Variants in GAD1 observed in about 807,000 individuals in gnomAD.
The protein encoded by GAD1 is 67 kDa glutamic acid decarboxylase.
Under a neutral mutation model 75.2 loss-of-function variants are expected in GAD1, and 35 were observed. The observed-to-expected ratio is 0.47, with a 90% CI of 0.36 to 0.62. GAD1 has a LOEUF of 0.62. Among genes scored for constraint, GAD1 ranks in the 20% least tolerant of loss-of-function variants. The probability of loss-of-function intolerance (pLI) is 0.00; values close to 1 mark genes in which losing one functional copy is unlikely to be tolerated. For synonymous variants in GAD1, 257 were observed against 271.9 expected, an observed-to-expected ratio of 0.95 and a Z score of 0.54; for missense variants, 490 against 758.5, an observed-to-expected ratio of 0.65 and a Z score of 4.16.
At chr2:170,815,171 A>G (rs1436914678), upstream of GAD1, among the ~76,000 whole-genome samples, 2 of 152,144 alleles carry the variant, frequency 1.3e-5, no homozygotes, top group African/African-American at 2.4e-5. Flanking sequence ...GCCCACTTCA[A>G]GCAGCGCAGA....
intron 10 of GAD1, 46 bp downstream of exon 10, chr2:170,846,109 C>T (rs1702627521): frequency 3.4e-6 from 5 of 1,455,720 alleles, no homozygotes; most frequent in Middle Eastern, 3.5e-4. Flanking sequence ...AAAATACCTT[C>T]TTTCTGTCCT....
chr2:170,841,389 G>A (rs1702512061), intron 6 of GAD1, among the ~76,000 whole-genome samples: 1 of 152,028 alleles, frequency 6.6e-6, no homozygotes, highest in South Asian at 2.1e-4. Flanking sequence ...ATTCCCAAAG[G>A]GATCTGTAAT....
intron 2 of GAD1, among the ~76,000 whole-genome samples, chr2:170,819,982 C>T (rs1168593354): frequency 6.6e-6 from 1 of 152,182 alleles, no homozygotes; most frequent in Non-Finnish European, 1.5e-5. Flanking sequence ...GATACAATTA[C>T]CCACACAACA....
intron 5 of GAD1, among the ~76,000 whole-genome samples, chr2:170,831,624 G>C (rs1702227553): frequency 7.0e-6 from 1 of 142,704 alleles, no homozygotes; most frequent in African/African-American, 2.6e-5. Context: ...GTGTGTGTGT[G>C]TGTGTGTGTG....
chr2:170,854,150 A>C (rs566738511), intron 14 of GAD1, 128 bp downstream of exon 14: 5 of 963,766 alleles, frequency 5.2e-6, no homozygotes, highest in Non-Finnish European at 6.5e-6. Context: ...TAATTGAATT[A>C]ACTGTGTTTT....
intron 12 of GAD1, among the ~76,000 whole-genome samples, chr2:170,851,629 A>G (rs138903811): frequency 1.5e-3 from 225 of 152,378 alleles, no homozygotes; most frequent in Non-Finnish European, 2.5e-3. Context: ...CAATTGCTCT[A>G]TCTAGGGGAA....
At chr2:170,816,599 C>T (rs980661974), upstream of GAD1, 9 of 152,134 alleles carry the variant, frequency 5.9e-5, no homozygotes, top group African/African-American at 2.2e-4. Flanking sequence ...CTCCTCTCAC[C>T]CGACAGCCTG....
intron 3 of GAD1, among the ~76,000 whole-genome samples, chr2:170,825,596 C>T (rs185241001): frequency 3.9e-5 from 6 of 152,354 alleles, no homozygotes; most frequent in Non-Finnish European, 7.3e-5. Context: ...CATACCTGTG[C>T]GCACATGCAC....
In GAD1 at chr2:170,818,733, G is replaced by A. The variant is rs1001840084; in HGVS notation, c.82+60G>A. 4.6e-6 allele frequency: 7 copies of A among 1,517,716 alleles called. No homozygotes were observed. The highest frequency in any genetic ancestry group is 2.3e-5 in the East Asian group (1 of 44,432). The allele number at this position is 1,517,716 out of a possible 1,614,324, so 94.0% of individuals were successfully genotyped here. A position where few individuals can be genotyped will look rare whatever the true frequency, so the allele number is the denominator to read the frequency against. On this transcript the variant is annotated intron_variant, in intron 2 of 16. Coordinates refer to ENST00000358196, the MANE Select transcript of GAD1 (RefSeq NM_000817.3). This position sits in a 1 kb window ranked among gnomAD's most constrained non-coding sequence, Gnocchi z 5.9. ...GCAGGGAAGATGGGGGCGCTGGGACGTCGGGAGGCTGAGCTGGCGGAAAGG... is the reference window on the plus strand; with the variant it reads ...GCAGGGAAGATGGGGGCGCTGGGACATCGGGAGGCTGAGCTGGCGGAAAGG...
chr2:170,841,537 C>T (rs1315763707), intron 6 of GAD1, among the ~76,000 whole-genome samples: 1 of 130,286 alleles, frequency 7.7e-6, no homozygotes, highest in African/African-American at 2.5e-5. Context: ...TCCATCTCTA[C>T]ACAAAATAAA....
chr2:170,818,454 C>A lies in GAD1; in HGVS notation c.-63-75C>A. The stretch of plus-strand genomic sequence containing the variant: ...CGGATCTTCAAGGGGAGCCTCCGTG[C>A]CCCCGGCTGCTCAGTCCCTCCGGTG... On this transcript the variant is annotated intron_variant, in intron 1 of 16. Coordinates refer to ENST00000358196, the MANE Select transcript of GAD1 (RefSeq NM_000817.3). The surrounding 1 kb of genome is among the most constrained non-coding windows in gnomAD (Gnocchi z 5.9). 1.3e-6 allele frequency: 1 copy of A among 796,126 alleles called. No individual in the cohort carries two copies. Among genetic ancestry groups the A allele is most frequent in the Non-Finnish European group, 2.2e-6 (1 of 446,888 alleles). 49.3% of individuals were successfully genotyped at this position (796,126 alleles called of 1,614,324 possible).
chr2:170,845,501 G>A lies in GAD1; in HGVS notation c.752-5G>A, dbSNP rs777929911. On this transcript the variant is annotated splice_region_variant and splice_polypyrimidine_tract_variant and intron_variant, in intron 7 of 16. Transcript: ENST00000358196. ...ACACCTCCCAATATGTCCGCTTGCT[G>A]ACAGGGGGCGCCATATCCAACATGT... The A allele has an allele frequency of 6.2e-7, 1 of 1,612,790 alleles. No homozygotes were observed. The highest frequency in any genetic ancestry group is 8.5e-7 in the Non-Finnish European group (1 of 1,179,652).
chr2:170,825,379 A>G (rs919184312), intron 3 of GAD1, among the ~76,000 whole-genome samples: 1 of 152,210 alleles, frequency 6.6e-6, no homozygotes, highest in South Asian at 2.1e-4. Context: ...ACAGCAATAC[A>G]GTATGACCCT....
At chr2:170,843,414 T>C (rs939216523) in intron 6 of GAD1, among the ~76,000 whole-genome samples, 4 of 152,348 alleles carry the variant, frequency 2.6e-5, no homozygotes, top group Middle Eastern at 6.8e-3. Flanking sequence ...TTGACAGATA[T>C]TGACTTCAGA....
chr2:170,849,480 A>C (rs1702705169), intron 12 of GAD1, 130 bp downstream of exon 12: 2 of 837,190 alleles, frequency 2.4e-6, no homozygotes, highest in Admixed American at 4.0e-5. Context: ...TCAGTTCAGC[A>C]GGCATTTGTT....
Position 170,847,883 on chromosome 2 carries a change from C to G in GAD1, c.1119+91C>G, listed in dbSNP as rs1702667925. ...CTCAAGCTTCTCCCCACGCCCCAGC[C>G]AGCCCTCTCTCCACACCACATTAGT... On this transcript the variant is annotated intron_variant, in intron 11 of 16. Transcript: ENST00000358196. The G allele has an allele frequency of 1.3e-5, 11 of 844,004 alleles. No homozygotes were observed. The South Asian group carries it at 1.3e-4, about 10-fold the overall frequency. 52.3% of individuals were successfully genotyped at this position (844,004 alleles called of 1,614,324 possible). A position where few individuals can be genotyped will look rare whatever the true frequency, so the allele number is the denominator to read the frequency against.
rs1166854714 is a variant in GAD1 at position 170,860,914 on chromosome 2, TA to T, written c.*1033del. The T allele has an allele frequency of 6.6e-6, 1 of 152,666 alleles. No individual in the cohort carries two copies. The highest frequency in any genetic ancestry group is 2.4e-5 in the African/African-American group (1 of 41,460). 9.5% of individuals were successfully genotyped at this position (152,666 alleles called of 1,614,324 possible). A position where few individuals can be genotyped will look rare whatever the true frequency, so the allele number is the denominator to read the frequency against. ...ACGTCTGGTGTTCTCAATGCTTTTC[TA>T]GCAACTGTTGGATAATAACTAGATC... On this transcript the variant is annotated 3_prime_UTR_variant, in exon 17 of 17. Transcript: ENST00000358196.
At chr2:170,813,629 C>A (rs1390780118), upstream of GAD1, among the ~76,000 whole-genome samples, 3 of 152,150 alleles carry the variant, frequency 2.0e-5, no homozygotes, top group Non-Finnish European at 4.4e-5. Context: ...CTCCCCGCAG[C>A]CCGTTTGGGC....
chr2:170,846,914 G>C (rs1166867263), intron 10 of GAD1, among the ~76,000 whole-genome samples: 1 of 152,188 alleles, frequency 6.6e-6, no homozygotes, highest in Non-Finnish European at 1.5e-5. Context: ...TGAGGTAGGA[G>C]GATTACTTGA....
Sources: allele counts gnomAD v4.1 joint callset (sites outside exome capture counted in the v4.1 genomes callset), GRCh38; gene constraint gnomAD v4.1.1; non-coding constraint Gnocchi (gnomAD v3.1); transcripts MANE v1.5; gene names NCBI Gene and HGNC (gene_info 2026-07-23, HGNC 2026-07-21).